KDM4C: variants seen among roughly 807,000 people sequenced by gnomAD.
KDM4C encodes the protein lysine-specific demethylase 4C.
A neutral mutation model predicts 129.3 loss-of-function variants in KDM4C; 81 were observed. That is an observed-to-expected ratio of 0.63 (90% CI 0.52 to 0.75). KDM4C has a LOEUF of 0.75. Among genes scored for constraint, KDM4C ranks in the 30% least tolerant of loss-of-function variants. The pLI is 0.00. For missense variants in KDM4C, 1,457 were observed against 1,304.0 expected (o/e 1.12, Z -1.81); for synonymous variants, 573 against 456.1 (o/e 1.26, Z -3.26).
In KDM4C at chr9:6,984,181, GTCTACCTCTAAAAGGCCTA is replaced by G; in HGVS notation, c.1132_1150del (p.Ser378ArgfsTer37). On this transcript the variant is annotated frameshift_variant, in exon 10 of 22. Coordinates refer to ENST00000381309, the MANE Select transcript of KDM4C (RefSeq NM_015061.6). LOFTEE classifies it high-confidence loss of function. Reference sequence around the variant, plus strand: ...TTGTTGACAGCTTCCAGTGTGCTAGGTCTACCTCTAAAAGGCCTAAGGCTGATGAGGAAGAGGAAGTGTC... The same window carrying G: ...TTGTTGACAGCTTCCAGTGTGCTAGGAGGCTGATGAGGAAGAGGAAGTGTC... The G allele has an allele frequency of 6.2e-7, 1 of 1,613,194 alleles. No individual in the cohort carries two copies. The highest frequency in any genetic ancestry group is 2.2e-5 in the East Asian group (1 of 44,874).
chr9:6,862,338 T>G (rs1841090764), intron 5 of KDM4C, among the ~76,000 whole-genome samples: 1 of 152,232 alleles, frequency 6.6e-6, no homozygotes, highest in African/African-American at 2.4e-5. Flanking sequence ...CAGAAACATT[T>G]GACCATTTAC....
At chr9:6,941,795 T>C (rs3818900) in intron 8 of KDM4C, 39,433 of 152,194 alleles carry the variant, frequency 0.26, 5,551 homozygotes, top group South Asian at 0.42. Context: ...TAGGAGTCTG[T>C]AGGGCATGAC....
intron 4 of KDM4C, chr9:6,834,519 G>T (rs528520111): frequency 4.9e-5 from 32 of 655,694 alleles, no homozygotes; most frequent in Non-Finnish European, 8.9e-5. Flanking sequence ...GGCTGGCTTC[G>T]CAGGTGACGA....
At chr9:6,998,830 C>T (rs28371807) in intron 12 of KDM4C, among the ~76,000 whole-genome samples, 38,846 of 152,032 alleles carry the variant, frequency 0.26, 5,437 homozygotes, top group South Asian at 0.49. Flanking sequence ...CAAACAACAA[C>T]AACAACAACA....
intron 13 of KDM4C, among the ~76,000 whole-genome samples, chr9:7,013,437 A>G (rs1823059409): frequency 6.6e-6 from 1 of 152,202 alleles, no homozygotes; most frequent in Non-Finnish European, 1.5e-5. Context: ...GTAGCAAGGT[A>G]TGATTCTTCA....
chr9:6,826,516 C>T (rs970566346), intron 4 of KDM4C, among the ~76,000 whole-genome samples: 1 of 152,034 alleles, frequency 6.6e-6, no homozygotes, highest in African/African-American at 2.4e-5. Flanking sequence ...TTCTGTTTGA[C>T]CCATTGTGAA....
At chr9:6,925,045 AGAAT>A in intron 8 of KDM4C, 1 of 985,386 alleles carries the variant, frequency 1.0e-6, no homozygotes, top group Non-Finnish European at 1.2e-6. Context: ...CAGGTGTATA[AGAAT>A]GAACATTCAA....
At chr9:6,892,674 T>C (rs1015827457) in intron 7 of KDM4C, among the ~76,000 whole-genome samples, 1 of 152,196 alleles carries the variant, frequency 6.6e-6, no homozygotes, top group South Asian at 2.1e-4. Flanking sequence ...CTGCCAAGCA[T>C]GTATTATCAA....
intron 3 of KDM4C, among the ~76,000 whole-genome samples, chr9:6,812,206 C>T (rs1428011363): frequency 6.7e-6 from 1 of 150,170 alleles, no homozygotes; most frequent in Non-Finnish European, 1.5e-5. Context: ...CACCGCACTC[C>T]AGCCTGGGTG....
At chr9:6,757,837 C>G (rs1244551019), upstream of KDM4C, 48 of 985,540 alleles carry the variant, frequency 4.9e-5, no homozygotes, top group Non-Finnish European at 5.8e-5. Flanking sequence ...GCCAGCAAGC[C>G]TAAGTTAACC....
intron 18 of KDM4C, among the ~76,000 whole-genome samples, chr9:7,124,114 A>T (rs1839788076): frequency 6.6e-6 from 1 of 152,182 alleles, no homozygotes; most frequent in African/African-American, 2.4e-5. Context: ...TCTTCCACAG[A>T]TGACCAAACT....
chr9:7,069,713 A>T (rs1394855724), intron 17 of KDM4C, among the ~76,000 whole-genome samples: 2 of 152,214 alleles, frequency 1.3e-5, no homozygotes, highest in African/African-American at 2.4e-5. Context: ...ATCACATGGA[A>T]ATGTGGCTGT....
At chr9:6,841,503 A>G (rs1836902823) in intron 4 of KDM4C, among the ~76,000 whole-genome samples, 1 of 152,238 alleles carries the variant, frequency 6.6e-6, no homozygotes, top group Admixed American at 6.5e-5. Flanking sequence ...TACCATAAAA[A>G]TATGATTAGT....
At chr9:6,960,322 C>G (rs1012477852) in intron 8 of KDM4C, among the ~76,000 whole-genome samples, 1 of 150,546 alleles carries the variant, frequency 6.6e-6, no homozygotes, top group Non-Finnish European at 1.5e-5. Context: ...CTCTGTCACC[C>G]AGGCTGAAGT....
chr9:7,052,909 G>GCGAGCGAGCGAGCGAGAGA (rs767668455), intron 17 of KDM4C, among the ~76,000 whole-genome samples: 2 of 100,150 alleles, frequency 2.0e-5, no homozygotes. Flanking sequence ...GAGCGAGCGA[G>GCGAGCGAGCGAGCGAGAGA]TGCCCAAGGG....
intron 7 of KDM4C, among the ~76,000 whole-genome samples, chr9:6,890,542 C>T (rs531632507): frequency 1.6e-4 from 24 of 152,044 alleles, no homozygotes; most frequent in South Asian, 4.2e-4. Flanking sequence ...TCTCTAGCTT[C>T]TTTTATGGTA....
intron 1 of KDM4C, chr9:6,748,567 A>G: frequency 3.7e-6 from 2 of 536,250 alleles, no homozygotes; most frequent in Non-Finnish European, 6.7e-6. Flanking sequence ...AATACAAACA[A>G]TCCCACAGCA....
Position 7,175,073 on chromosome 9 carries a change from T to G in KDM4C, c.*344T>G. On this transcript the variant is annotated 3_prime_UTR_variant, in exon 22 of 22. Coordinates refer to ENST00000381309, the MANE Select transcript of KDM4C (RefSeq NM_015061.6). Reference sequence around the variant, plus strand: ...GGTCCCCTTGTGCGGCTTAGGGCCCTGTCAGGAAACACACGGGGACCTCTC... The same window carrying G: ...GGTCCCCTTGTGCGGCTTAGGGCCCGGTCAGGAAACACACGGGGACCTCTC... The G allele has an allele frequency of 1.1e-5, 2 of 181,210 alleles. No individual in the cohort carries two copies. The highest frequency in any genetic ancestry group is 1.2e-5 in the Non-Finnish European group (1 of 85,162). 11.2% of individuals were successfully genotyped at this position (181,210 alleles called of 1,614,324 possible).
chr9:6,724,391 T>C (rs1454831411), intron 1 of KDM4C, among the ~76,000 whole-genome samples: 1 of 152,164 alleles, frequency 6.6e-6, no homozygotes, highest in Non-Finnish European at 1.5e-5. Context: ...GCAGGTATTG[T>C]TATATTCTGA....
Sources: allele counts gnomAD v4.1 joint callset (sites outside exome capture counted in the v4.1 genomes callset), GRCh38; gene constraint gnomAD v4.1.1; transcripts MANE v1.5; gene names NCBI Gene and HGNC (gene_info 2026-07-23, HGNC 2026-07-21).